Variants in DMRT1 observed in about 807,000 individuals in gnomAD.
DMRT1 encodes the protein doublesex and mab-3 related transcription factor 1, also known as doublesex- and mab-3-related transcription factor 1.
Under a neutral mutation model 32.3 loss-of-function variants are expected in DMRT1, and 7 were observed. The ratio of observed to expected loss-of-function variants is 0.22; its 90% confidence interval spans 0.12 to 0.41. DMRT1 has a LOEUF of 0.41. Ranked by LOEUF, DMRT1 falls within the 10% of genes least tolerant of loss-of-function variation. The pLI, the probability that DMRT1 is intolerant of heterozygous loss-of-function variation, is 1.00. For missense variants in DMRT1, 625 were observed against 500.5 expected (o/e 1.25, Z -2.37); for synonymous variants, 278 against 206.1 (o/e 1.35, Z -2.99).
chr9:848,280 C>T (rs944990996), intron 2 of DMRT1, among the ~76,000 whole-genome samples: 4 of 151,984 alleles, frequency 2.6e-5, no homozygotes, highest in Non-Finnish European at 5.9e-5. Context: ...TTTTTTTCCT[C>T]TTGTCAAAAA....
intron 4 of DMRT1, among the ~76,000 whole-genome samples, chr9:917,547 A>C (rs999736651): frequency 3.5e-4 from 54 of 152,214 alleles, no homozygotes; most frequent in African/African-American, 1.3e-3. Flanking sequence ...TCCCGTGTTT[A>C]AGTTCTTTAT....
intron 2 of DMRT1, among the ~76,000 whole-genome samples, chr9:883,323 C>T (rs1276968598): frequency 6.6e-6 from 1 of 151,990 alleles, no homozygotes; most frequent in African/African-American, 2.4e-5. Flanking sequence ...ATAGGCTCTA[C>T]CACATTCCGT....
At chr9:858,567 G>A (rs1031054020) in intron 2 of DMRT1, among the ~76,000 whole-genome samples, 4 of 152,008 alleles carry the variant, frequency 2.6e-5, no homozygotes, top group Admixed American at 2.6e-4. Context: ...GGTACAATAT[G>A]CACAACTTAA....
chr9:853,249 C>G (rs899317704), intron 2 of DMRT1, among the ~76,000 whole-genome samples: 3 of 152,020 alleles, frequency 2.0e-5, no homozygotes, highest in Non-Finnish European at 4.4e-5. Context: ...ACTGATGCAT[C>G]ATTGTCATCC....
intron 4 of DMRT1, among the ~76,000 whole-genome samples, chr9:949,163 A>G (rs1819346955): frequency 6.6e-6 from 1 of 152,120 alleles, no homozygotes. Context: ...CCTTGAGGCC[A>G]GGAGTTTAAG....
rs1215581040 is a variant in DMRT1 at position 910,909 on chromosome 9, TA to T, written c.823-5845del. ...TATTTATTTGCTTAGCTTGAAGGAA[TA>T]AAAAAAAACCTTGAGAGGAAACAAG... On this transcript the variant is annotated intron_variant, in intron 3 of 4. Transcript: ENST00000382276. Among the ~76,000 whole-genome samples the T allele has an allele frequency of 2.6e-5, 4 of 151,316 alleles. No homozygotes were observed. In the East Asian group the frequency reaches 7.7e-4, roughly 29 times the overall value.
intron 2 of DMRT1, among the ~76,000 whole-genome samples, chr9:880,504 A>G (rs960542046): frequency 6.6e-6 from 1 of 152,076 alleles, no homozygotes; most frequent in Non-Finnish European, 1.5e-5. Flanking sequence ...AGGTGGGCGG[A>G]TCACCTGAGG....
intron 4 of DMRT1, among the ~76,000 whole-genome samples, chr9:936,449 A>C: frequency 6.6e-6 from 1 of 151,996 alleles, no homozygotes; most frequent in African/African-American, 2.4e-5. Flanking sequence ...TTATTAGGCT[A>C]TATTAATAAT....
chr9:865,671 A>G (rs1815950995), intron 2 of DMRT1, among the ~76,000 whole-genome samples: 1 of 152,170 alleles, frequency 6.6e-6, no homozygotes, highest in Non-Finnish European at 1.5e-5. Flanking sequence ...TTGGGTGAGG[A>G]TTACATAACC....
intron 3 of DMRT1, among the ~76,000 whole-genome samples, chr9:911,692 A>G (rs1817994373): frequency 6.6e-6 from 1 of 151,936 alleles, no homozygotes; most frequent in Non-Finnish European, 1.5e-5. Flanking sequence ...GAGATTCACC[A>G]TGTTGGTCAG....
chr9:844,608 CT>C (rs58788703), intron 1 of DMRT1, among the ~76,000 whole-genome samples: 6,305 of 151,044 alleles, frequency 0.042, 398 homozygotes, highest in African/African-American at 0.14. Context: ...AAGTCGAAGA[CT>C]TTTTTTTGGC....
chr9:955,676 C>T (rs914790097), intron 4 of DMRT1, among the ~76,000 whole-genome samples: 3 of 152,150 alleles, frequency 2.0e-5, no homozygotes, highest in East Asian at 1.9e-4. Context: ...ACTGCACTGT[C>T]GGGCTGTGGG....
intron 4 of DMRT1, among the ~76,000 whole-genome samples, chr9:947,232 C>G (rs565608831): frequency 2.4e-4 from 37 of 152,280 alleles, no homozygotes; most frequent in African/African-American, 8.9e-4. Flanking sequence ...AATTTGTAAA[C>G]TTTCTTAAAA....
At chr9:858,311 T>C (rs1815491394) in intron 2 of DMRT1, among the ~76,000 whole-genome samples, 1 of 152,096 alleles carries the variant, frequency 6.6e-6, no homozygotes, top group Non-Finnish European at 1.5e-5. Flanking sequence ...TGTGCTGCCT[T>C]ACGCTTGCTG....
At chr9:937,866 T>A (rs759224462) in intron 4 of DMRT1, among the ~76,000 whole-genome samples, 4 of 152,064 alleles carry the variant, frequency 2.6e-5, no homozygotes, top group Non-Finnish European at 4.4e-5. Flanking sequence ...GTCCAAGTTA[T>A]CTAGTTTTTC....
chr9:905,129 G>T (rs1282247900), intron 3 of DMRT1, among the ~76,000 whole-genome samples: 1 of 152,080 alleles, frequency 6.6e-6, no homozygotes, highest in Non-Finnish European at 1.5e-5. Context: ...TGACTTTAGT[G>T]GATTTTATTT....
At position 875,877 on chromosome 9, in the gene DMRT1, A is replaced by C. The variant is rs57814883; in HGVS notation, c.539-18035A>C. On this transcript the variant is annotated intron_variant, in intron 2 of 4. Transcript: ENST00000382276. ...GTTACCAGAGCCTTCAGGGCTTTTG[A>C]ACTGCTGGAAAATAGCTGCGTCCGG... 1.4e-3 allele frequency among the ~76,000 whole-genome samples: 218 copies of C among 152,260 alleles called. 2 individuals are homozygous for C. The highest frequency in any genetic ancestry group is 4.9e-3 in the African/African-American group (203 of 41,540).
At chr9:858,866 A>ATAT (rs1216806493) in intron 2 of DMRT1, among the ~76,000 whole-genome samples, 1 of 23,158 alleles carries the variant, frequency 4.3e-5, no homozygotes, top group African/African-American at 8.1e-5. Flanking sequence ...AAAAAAAAAA[A>ATAT]AAAAATATAT....
At chr9:944,517 G>A (rs1313284186) in intron 4 of DMRT1, among the ~76,000 whole-genome samples, 4 of 152,190 alleles carry the variant, frequency 2.6e-5, no homozygotes, top group Admixed American at 6.5e-5. Context: ...CTGATTTTGT[G>A]TCTTAGTCCT....
Sources: allele counts gnomAD v4.1 joint callset (sites outside exome capture counted in the v4.1 genomes callset), GRCh38; gene constraint gnomAD v4.1.1; transcripts MANE v1.5; gene names NCBI Gene and HGNC (gene_info 2026-07-23, HGNC 2026-07-21).